ADGRL3: variants seen among roughly 807,000 people sequenced by gnomAD.
ADGRL3 encodes the protein adhesion G protein-coupled receptor L3.
Under a neutral mutation model 153.5 loss-of-function variants are expected in ADGRL3, and 62 were observed. That is an observed-to-expected ratio of 0.40 (90% CI 0.33 to 0.50). ADGRL3 has a LOEUF of 0.50. Ranked by LOEUF, ADGRL3 falls within the 20% of genes least tolerant of loss-of-function variation. ADGRL3 has a pLI of 0.47. For synonymous variants in ADGRL3, 710 were observed against 672.5 expected, an observed-to-expected ratio of 1.06 and a Z score of -0.86; for missense variants, 1,641 against 1,859.4, an observed-to-expected ratio of 0.88 and a Z score of 2.16.
chr4:61,239,015 A>G (rs1164457352), intron 1 of ADGRL3, among the ~76,000 whole-genome samples: 1 of 152,012 alleles, frequency 6.6e-6, no homozygotes, highest in Non-Finnish European at 1.5e-5. Context: ...GTTTCTACCT[A>G]CTCTCCAGAA....
chr4:61,650,963 C>T (rs1025587349), intron 5 of ADGRL3, among the ~76,000 whole-genome samples: 1 of 151,096 alleles, frequency 6.6e-6, no homozygotes, highest in African/African-American at 2.4e-5. Context: ...TGTTGTTGGA[C>T]AAAAATAAAA....
intron 5 of ADGRL3, among the ~76,000 whole-genome samples, chr4:61,665,603 A>G (rs1180380267): frequency 1.3e-5 from 2 of 152,344 alleles, no homozygotes; most frequent in East Asian, 1.9e-4. Context: ...TCTCTGAATT[A>G]ATCAACTTAG....
At chr4:61,699,199 A>G (rs1467523533) in intron 6 of ADGRL3, among the ~76,000 whole-genome samples, 2 of 152,180 alleles carry the variant, frequency 1.3e-5, no homozygotes, top group African/African-American at 4.8e-5. Context: ...TGAATTCTCC[A>G]AAAGTGATTT....
intron 1 of ADGRL3, among the ~76,000 whole-genome samples, chr4:61,326,599 A>ATGTGTG (rs34387631): frequency 0.011 from 1,493 of 140,714 alleles, 28 homozygotes; most frequent in African/African-American, 0.037. Context: ...ATGCCAGATA[A>ATGTGTG]TGTGTGTGTG....
chr4:61,372,261 C>T (rs376902038), intron 1 of ADGRL3, among the ~76,000 whole-genome samples: 16 of 152,142 alleles, frequency 1.1e-4, no homozygotes, highest in South Asian at 1.0e-3. Context: ...AGCTTTGTTC[C>T]GTTGCTGGTG....
intron 1 of ADGRL3, among the ~76,000 whole-genome samples, chr4:61,262,762 A>G (rs2092616228): frequency 1.3e-5 from 2 of 152,096 alleles, no homozygotes. Flanking sequence ...AATTCTACCA[A>G]CTTACCACGG....
At chr4:61,234,763 G>A (rs1269441046) in intron 1 of ADGRL3, among the ~76,000 whole-genome samples, 1 of 152,136 alleles carries the variant, frequency 6.6e-6, no homozygotes, top group Non-Finnish European at 1.5e-5. Context: ...TTACCTGAAA[G>A]ACGACTGCAG....
At chr4:62,054,882 T>C (rs1239311803) in intron 25 of ADGRL3, among the ~76,000 whole-genome samples, 3 of 151,604 alleles carry the variant, frequency 2.0e-5, no homozygotes, top group Non-Finnish European at 3.0e-5. Flanking sequence ...TACCTACCTT[T>C]ATAGTAATAA....
At chr4:62,069,874 A>G (rs567085071) in intron 26 of ADGRL3, among the ~76,000 whole-genome samples, 226 of 152,302 alleles carry the variant, frequency 1.5e-3, no homozygotes, top group African/African-American at 5.2e-3. Context: ...AAATTATTTT[A>G]AAGATCTACT....
chr4:61,516,560 G>A (rs989042053), intron 3 of ADGRL3, among the ~76,000 whole-genome samples: 2 of 151,740 alleles, frequency 1.3e-5, no homozygotes, highest in Non-Finnish European at 2.9e-5. Flanking sequence ...ATGCATGGGT[G>A]TTTTCTGAAT....
intron 6 of ADGRL3, among the ~76,000 whole-genome samples, chr4:61,696,670 CTT>C (rs34306284): frequency 1.9e-3 from 198 of 101,982 alleles, no homozygotes; most frequent in African/African-American, 7.0e-3. Flanking sequence ...TTTTTTTAAC[CTT>C]TTTTTTTTTT....
intron 1 of ADGRL3, among the ~76,000 whole-genome samples, chr4:61,298,893 A>T (rs1048615519): frequency 2.6e-5 from 4 of 152,208 alleles, no homozygotes; most frequent in African/African-American, 9.6e-5. Context: ...AGAGGCTACG[A>T]TAACTTAATC....
chr4:61,260,817 C>G (rs190072141), intron 1 of ADGRL3, among the ~76,000 whole-genome samples: 18 of 152,202 alleles, frequency 1.2e-4, no homozygotes, highest in African/African-American at 4.3e-4. Flanking sequence ...TCTCTGCCTC[C>G]CAGGCTCAAG....
chr4:61,986,265 G>A (rs1047076091), intron 19 of ADGRL3, among the ~76,000 whole-genome samples: 13 of 152,042 alleles, frequency 8.6e-5, no homozygotes, highest in African/African-American at 3.1e-4. Flanking sequence ...TTGTTGCTAA[G>A]TAGCTCCATT....
At chr4:61,588,601 A>G (rs1292598252) in intron 5 of ADGRL3, among the ~76,000 whole-genome samples, 2 of 152,128 alleles carry the variant, frequency 1.3e-5, no homozygotes, top group South Asian at 4.1e-4. Context: ...ATGATGGCTC[A>G]TGCTAAGGTG....
At chr4:61,544,585 A>C (rs979278236) in intron 4 of ADGRL3, among the ~76,000 whole-genome samples, 2 of 152,086 alleles carry the variant, frequency 1.3e-5, no homozygotes, top group Admixed American at 6.5e-5. Flanking sequence ...TTGGTTTTAT[A>C]TTTGCAAGTA....
intron 4 of ADGRL3, among the ~76,000 whole-genome samples, chr4:61,546,460 A>G (rs2098714284): frequency 6.6e-6 from 1 of 152,310 alleles, no homozygotes; most frequent in South Asian, 2.1e-4. Flanking sequence ...AGGAAATATA[A>G]TAACTACTCC....
intron 4 of ADGRL3, among the ~76,000 whole-genome samples, chr4:61,542,291 A>G (rs2098694060): frequency 6.6e-6 from 1 of 152,188 alleles, no homozygotes; most frequent in Non-Finnish European, 1.5e-5. Context: ...ATCAAGTTTC[A>G]CAATTTATTT....
intron 6 of ADGRL3, among the ~76,000 whole-genome samples, chr4:61,699,611 G>T (rs898168307): frequency 2.0e-5 from 3 of 151,714 alleles, no homozygotes; most frequent in Admixed American, 2.0e-4. Context: ...GTGAAATTGG[G>T]GATATAGAAG....
Sources: gnomAD v4.1 joint callset for allele counts (sites outside exome capture counted in the v4.1 genomes callset) on GRCh38, gnomAD v4.1.1 for gene constraint, MANE v1.5 for transcripts, NCBI Gene and HGNC (gene_info 2026-07-23, HGNC 2026-07-21) for gene names.